The following LIPH variants were observed in gnomAD, a reference collection of about 807,000 sequenced individuals.
LIPH encodes lipase H, also known as lipase member H.
A neutral mutation model predicts 47.6 loss-of-function variants in LIPH; 32 were observed. That is an observed-to-expected ratio of 0.67 (90% confidence interval 0.51 to 0.90). The LOEUF (loss-of-function observed/expected upper bound fraction) is 0.90. Ranked by LOEUF, LIPH falls within the 40% of genes least tolerant of loss-of-function variation. The pLI, the probability that LIPH is intolerant of heterozygous loss-of-function variation, is 0.00. For missense variants in LIPH, 497 were observed against 541.4 expected, an observed-to-expected ratio of 0.92 and a Z score of 0.81; for synonymous variants, 190 against 195.6, an observed-to-expected ratio of 0.97 and a Z score of 0.24.
chr3:185,526,962 G>A (rs1475933973), intron 4 of LIPH, among the ~76,000 whole-genome samples: 1 of 152,094 alleles, frequency 6.6e-6, no homozygotes, highest in Non-Finnish European at 1.5e-5. Flanking sequence ...AAAATATGCC[G>A]GGCGCGGTGG....
intron 7 of LIPH, among the ~76,000 whole-genome samples, chr3:185,516,284 T>C (rs1719728098): frequency 6.6e-6 from 1 of 151,322 alleles, no homozygotes; most frequent in South Asian, 2.1e-4. Context: ...AATACAAAAA[T>C]TAGCCAGGCA....
chr3:185,516,350 G>A lies in LIPH; in HGVS notation c.982+717C>T, dbSNP rs140032217. Among the ~76,000 whole-genome samples the A allele has an allele frequency of 3.5e-3, 537 of 152,148 alleles. 3 individuals carry two copies. The highest frequency in any genetic ancestry group is 0.014 in the Middle Eastern group (4 of 294). On this transcript the variant is annotated intron_variant, in intron 7 of 9. Coordinates refer to ENST00000296252, the MANE Select transcript of LIPH (RefSeq NM_139248.3). Reference sequence around the variant, plus strand: ...CGGAATCCTGAGGCAGGAGGATCGCGTGAACCCAGGAGGCAGAGATTGCAG... The same window carrying A: ...CGGAATCCTGAGGCAGGAGGATCGCATGAACCCAGGAGGCAGAGATTGCAG...
intron 1 of LIPH, among the ~76,000 whole-genome samples, chr3:185,542,887 T>C (rs1720756454): frequency 6.6e-6 from 1 of 152,166 alleles, no homozygotes; most frequent in Non-Finnish European, 1.5e-5. Flanking sequence ...AAATACTGCA[T>C]GTTCTCACTT....
intron 8 of LIPH, among the ~76,000 whole-genome samples, chr3:185,513,690 G>A (rs543735301): frequency 9.2e-5 from 14 of 152,192 alleles, no homozygotes; most frequent in Admixed American, 5.2e-4. Context: ...GTTCATTGAT[G>A]GAAGAATAAA....
intron 8 of LIPH, among the ~76,000 whole-genome samples, chr3:185,513,282 G>A (rs1719627816): frequency 2.0e-5 from 3 of 150,948 alleles, no homozygotes; most frequent in African/African-American, 7.3e-5. Context: ...GGAGCTTGCA[G>A]TGAGCCGAGA....
chr3:185,544,920 A>G (rs74286272), intron 1 of LIPH, among the ~76,000 whole-genome samples: 5,455 of 149,234 alleles, frequency 0.037, 197 homozygotes, highest in East Asian at 0.2. Flanking sequence ...GCAAGCCACC[A>G]CACCCGGCCT....
Position 185,533,571 on chromosome 3 carries a change from C to G in LIPH, c.526G>C (p.Gly176Arg). ...CCCATGCCCATTCACAGGCACTTAC[C>G]TGTAATTCTCCCCAGCCATCCATCG... is the stretch of plus-strand genomic sequence containing the variant. ...MYDGWLGRITGLDPAGPLFNG... is the reference protein window; with the variant it reads ...MYDGWLGRITRLDPAGPLFNG... Residue 176 changes from glycine (G) to arginine (R), a missense_variant and splice_region_variant, in exon 3 of 10, where the codon GGC becomes CGC. Coordinates refer to ENST00000296252, the MANE Select transcript of LIPH (RefSeq NM_139248.3). 2 of 1,605,300 alleles carry G rather than the reference C, an allele frequency of 1.2e-6. No homozygotes were observed. Among genetic ancestry groups the G allele is most frequent in the Non-Finnish European group, 1.7e-6 (2 of 1,171,944 alleles).
rs1206172041 is a variant in LIPH at position 185,508,082 on chromosome 3, TCTC to T, written c.*705_*707del. 6.6e-6 allele frequency: 1 copy of T among 152,536 alleles called. No homozygotes were observed. Among genetic ancestry groups the T allele is most frequent in the Non-Finnish European group, 1.5e-5 (1 of 68,396 alleles). 9.4% of individuals were successfully genotyped at this position (152,536 alleles called of 1,614,324 possible). A position where few individuals can be genotyped will look rare whatever the true frequency, so the allele number is the denominator to read the frequency against. ...CCTCTTAGCTGTCAGTCCATCCCCA[TCTC>T]CTCCAGCTCCTCCATGCTCCAACAG... On this transcript the variant is annotated 3_prime_UTR_variant, in exon 10 of 10. Coordinates refer to ENST00000296252, the MANE Select transcript of LIPH (RefSeq NM_139248.3).
At chr3:185,547,826 C>CAAA (rs548499364) in intron 1 of LIPH, among the ~76,000 whole-genome samples, 5,507 of 113,454 alleles carry the variant, frequency 0.049, 209 homozygotes, top group East Asian at 0.25. Flanking sequence ...ACTCCATCTC[C>CAAA]AAAAAAAAAA....
intron 1 of LIPH, among the ~76,000 whole-genome samples, chr3:185,548,173 G>A (rs538834408): frequency 4.1e-4 from 63 of 152,294 alleles, no homozygotes; most frequent in African/African-American, 1.4e-3. Context: ...TTGGGAGGCC[G>A]AGGCGGGCGA....
chr3:185,545,733 C>T (rs573902364), intron 1 of LIPH, among the ~76,000 whole-genome samples: 5 of 151,770 alleles, frequency 3.3e-5, no homozygotes, highest in Non-Finnish European at 5.9e-5. Flanking sequence ...CAAAAAAACA[C>T]GTCTTTGGAA....
intron 1 of LIPH, among the ~76,000 whole-genome samples, chr3:185,546,221 G>A (rs557058683): frequency 8.6e-5 from 13 of 150,444 alleles, no homozygotes; most frequent in South Asian, 6.3e-4. Context: ...GTGTGGTAGC[G>A]CACACCTGTA....
intron 8 of LIPH, among the ~76,000 whole-genome samples, chr3:185,513,147 C>A (rs980912382): frequency 6.6e-6 from 1 of 152,022 alleles, no homozygotes; most frequent in Non-Finnish European, 1.5e-5. Context: ...TCGAGATCAT[C>A]CTGGCCAACA....
chr3:185,509,277 T>C (rs1217937136), intron 9 of LIPH, among the ~76,000 whole-genome samples: 1 of 149,714 alleles, frequency 6.7e-6, no homozygotes, highest in Non-Finnish European at 1.5e-5. Context: ...AGAATGAGAC[T>C]CTGTCTCAGA....
At chr3:185,533,522 T>C (rs2148958805) in intron 3 of LIPH, 49 bp downstream of exon 3, 1 of 1,246,054 alleles carries the variant, frequency 8.0e-7, no homozygotes, top group Non-Finnish European at 1.2e-6. Context: ...ACTCCCCCAG[T>C]GAACACCCTG....
chr3:185,534,697 G>T, intron 2 of LIPH, 68 bp downstream of exon 2: 1 of 1,532,946 alleles, frequency 6.5e-7, no homozygotes, highest in South Asian at 1.1e-5. Flanking sequence ...GCTATCTCTT[G>T]GCTTTAAGCC....
At chr3:185,543,618 C>T (rs1038138152) in intron 1 of LIPH, among the ~76,000 whole-genome samples, 4 of 152,020 alleles carry the variant, frequency 2.6e-5, no homozygotes, top group Admixed American at 6.5e-5. Flanking sequence ...TCTGGACTTA[C>T]GCCTGTAATC....
chr3:185,544,755 A>G (rs1720817861), intron 1 of LIPH, among the ~76,000 whole-genome samples: 1 of 152,208 alleles, frequency 6.6e-6, no homozygotes, highest in Admixed American at 6.5e-5. Flanking sequence ...TAGAAGCTCC[A>G]GGATAATTCA....
intron 1 of LIPH, among the ~76,000 whole-genome samples, chr3:185,544,657 G>T (rs1720813811): frequency 6.6e-6 from 1 of 152,126 alleles, no homozygotes; most frequent in South Asian, 2.1e-4. Flanking sequence ...GCCTGGGCGA[G>T]AATTTTCTCC....
Sources: allele counts gnomAD v4.1 joint callset (sites outside exome capture counted in the v4.1 genomes callset), GRCh38; gene constraint gnomAD v4.1.1; transcripts MANE v1.5; gene names NCBI Gene and HGNC (gene_info 2026-07-23, HGNC 2026-07-21).